Variants in EHBP1 observed in about 807,000 individuals in gnomAD.
EHBP1 encodes the protein EH domain-binding protein 1.
Under a neutral mutation model 144.0 loss-of-function variants are expected in EHBP1, and 55 were observed. The ratio of observed to expected loss-of-function variants is 0.38; its 90% CI spans 0.31 to 0.48. EHBP1 has a LOEUF of 0.48. Among genes scored for constraint, EHBP1 ranks in the 20% least tolerant of loss-of-function variants. The pLI, the probability that EHBP1 is intolerant of heterozygous loss-of-function variation, is 0.98. For missense variants in EHBP1, 1,200 were observed against 1,364.2 expected, an observed-to-expected ratio of 0.88 and a Z score of 1.90; for synonymous variants, 469 against 472.7, an observed-to-expected ratio of 0.99 and a Z score of 0.10.
At chr2:62,913,217 G>T (rs770020981) in intron 10 of EHBP1, among the ~76,000 whole-genome samples, 7 of 152,116 alleles carry the variant, frequency 4.6e-5, no homozygotes, top group Admixed American at 1.3e-4. Flanking sequence ...TATGTTTTGA[G>T]ATCACTTTTT....
chr2:62,727,713 G>A (rs139718495), intron 2 of EHBP1, among the ~76,000 whole-genome samples: 1 of 152,226 alleles, frequency 6.6e-6, no homozygotes, highest in African/African-American at 2.4e-5. Context: ...GAACATTTGG[G>A]CTGTTTCCAC....
chr2:63,027,672 G>T (rs1423503795), intron 19 of EHBP1, among the ~76,000 whole-genome samples: 2 of 152,170 alleles, frequency 1.3e-5, no homozygotes, highest in African/African-American at 4.8e-5. Flanking sequence ...TTAGGAAGGT[G>T]CATATGAGGA....
intron 10 of EHBP1, among the ~76,000 whole-genome samples, chr2:62,901,209 A>G (rs998411629): frequency 6.6e-6 from 1 of 152,200 alleles, no homozygotes; most frequent in Non-Finnish European, 1.5e-5. Context: ...TTACGAGCCT[A>G]TTAAAAATAA....
chr2:62,754,294 C>CTGCAGAACAGCAAATGT (rs746100524), intron 3 of EHBP1, among the ~76,000 whole-genome samples: 105 of 152,290 alleles, frequency 6.9e-4, no homozygotes, highest in Non-Finnish European at 1.4e-3. Flanking sequence ...CCAGTGAAGG[C>CTGCAGAACAGCAAATGT]TGCAGAACAG....
chr2:62,797,542 G>C (rs992002431), intron 5 of EHBP1, among the ~76,000 whole-genome samples: 1 of 152,108 alleles, frequency 6.6e-6, no homozygotes, highest in Non-Finnish European at 1.5e-5. Context: ...ATAAAAATAC[G>C]CCAATCAAGT....
rs1001633205 is a variant in EHBP1 at position 62,770,208 on chromosome 2, A to G, written c.259-1131A>G. Reference sequence around the variant, plus strand: ...CAAGAGCTTCTGCACAGCAAAAGGAACTATCAACAGAGTAAACAGACAGCC... The same window carrying G: ...CAAGAGCTTCTGCACAGCAAAAGGAGCTATCAACAGAGTAAACAGACAGCC... On this transcript the variant is annotated intron_variant, in intron 4 of 22. Coordinates refer to ENST00000431489, the MANE Select transcript of EHBP1 (RefSeq NM_001142616.3). 4.7e-4 allele frequency among the ~76,000 whole-genome samples: 71 copies of G among 152,218 alleles called. 1 individual carries two copies. Among genetic ancestry groups the G allele is most frequent in the African/African-American group, 1.5e-3 (63 of 41,446 alleles).
chr2:62,807,883 T>G (rs997562555), intron 5 of EHBP1, among the ~76,000 whole-genome samples: 4 of 152,106 alleles, frequency 2.6e-5, no homozygotes, highest in African/African-American at 9.7e-5. Flanking sequence ...AATTACTATA[T>G]TTGTTTCTCT....
At position 62,768,633 on chromosome 2, in the gene EHBP1, T is replaced by C. The variant is rs183575384; in HGVS notation, c.259-2706T>C. 4.1e-3 allele frequency among the ~76,000 whole-genome samples: 625 copies of C among 152,244 alleles called. 4 individuals carry two copies. The highest frequency in any genetic ancestry group is 0.034 in the Middle Eastern group (10 of 294). ...TTCCTACCAAAACTATTCTAAAAAATTGAGGAGGAGAAACTCCTTCCCAAC... is the reference window on the plus strand; with the variant it reads ...TTCCTACCAAAACTATTCTAAAAAACTGAGGAGGAGAAACTCCTTCCCAAC... On this transcript the variant is annotated intron_variant, in intron 4 of 22. Coordinates refer to ENST00000431489, the MANE Select transcript of EHBP1 (RefSeq NM_001142616.3).
At chr2:62,928,062 C>T (rs1022701329) in intron 10 of EHBP1, among the ~76,000 whole-genome samples, 10 of 152,128 alleles carry the variant, frequency 6.6e-5, no homozygotes, top group Admixed American at 4.6e-4. Flanking sequence ...ACACAGCATA[C>T]CAAAACTTCT....
At chr2:62,806,355 G>GT (rs1232768311) in intron 5 of EHBP1, among the ~76,000 whole-genome samples, 2 of 151,748 alleles carry the variant, frequency 1.3e-5, no homozygotes, top group Non-Finnish European at 2.9e-5. Context: ...ACTTTTTGTG[G>GT]TTTTTCGTTT....
intron 5 of EHBP1, among the ~76,000 whole-genome samples, chr2:62,796,978 A>G (rs962424882): frequency 6.6e-6 from 1 of 152,168 alleles, no homozygotes; most frequent in Non-Finnish European, 1.5e-5. Context: ...CAGTGGTTTT[A>G]TCTTCCCTAG....
intron 14 of EHBP1, among the ~76,000 whole-genome samples, chr2:62,973,115 T>C (rs892918720): frequency 1.1e-4 from 17 of 152,196 alleles, no homozygotes; most frequent in Admixed American, 5.9e-4. Context: ...CAGAAAAATT[T>C]GCAGATGGGA....
intron 7 of EHBP1, among the ~76,000 whole-genome samples, chr2:62,840,665 A>C (rs1427490485): frequency 2.0e-5 from 3 of 151,814 alleles, no homozygotes; most frequent in African/African-American, 4.8e-5. Context: ...CAACCCCATC[A>C]AAAAGTGGGC....
At chr2:62,772,044 G>A (rs938073887) in intron 5 of EHBP1, 1 of 152,394 alleles carries the variant, frequency 6.6e-6, no homozygotes, top group Non-Finnish European at 1.5e-5. Flanking sequence ...GGAGGCAGAG[G>A]TTGCAGTGAG....
At chr2:62,784,445 G>C (rs2042669108) in intron 5 of EHBP1, among the ~76,000 whole-genome samples, 1 of 152,152 alleles carries the variant, frequency 6.6e-6, no homozygotes, top group Non-Finnish European at 1.5e-5. Flanking sequence ...CCTGCATGTA[G>C]TTCTCAATCT....
At chr2:62,986,952 G>A (rs142639226) in intron 15 of EHBP1, among the ~76,000 whole-genome samples, 50 of 152,028 alleles carry the variant, frequency 3.3e-4, no homozygotes, top group African/African-American at 1.0e-3. Context: ...AAAAATCTTC[G>A]GAATACCTCA....
upstream of EHBP1, among the ~76,000 whole-genome samples, chr2:62,702,631 C>T (rs1306870060): frequency 6.6e-6 from 1 of 152,184 alleles, no homozygotes; most frequent in African/African-American, 2.4e-5. Flanking sequence ...CTGTTCCAGT[C>T]TTGGTACCAA....
intron 19 of EHBP1, among the ~76,000 whole-genome samples, chr2:63,024,479 G>A (rs2060889115): frequency 6.6e-6 from 1 of 151,916 alleles, no homozygotes; most frequent in African/African-American, 2.4e-5. Context: ...GCATGTGTTT[G>A]TGGTCCCAGC....
chr2:62,764,249 C>T lies in EHBP1; in HGVS notation c.163-17C>T. The stretch of plus-strand genomic sequence containing the variant: ...TTCCCATACTTCATATTGAAGGTAT[C>T]ATTTTTATTCTGGTAGGCACATAGC... On this transcript the variant is annotated splice_polypyrimidine_tract_variant and intron_variant, in intron 3 of 22. Transcript: ENST00000431489. 6.5e-7 allele frequency: 1 copy of T among 1,526,810 alleles called. No individual in the cohort carries two copies. Among genetic ancestry groups the T allele is most frequent in the Non-Finnish European group, 8.8e-7 (1 of 1,138,576 alleles). The allele number at this position is 1,526,810 out of a possible 1,614,324, so 94.6% of individuals were successfully genotyped here. A position where few individuals can be genotyped will look rare whatever the true frequency, so the allele number is the denominator to read the frequency against.
Sources: gnomAD v4.1 joint callset for allele counts (sites outside exome capture counted in the v4.1 genomes callset) on GRCh38, gnomAD v4.1.1 for gene constraint, MANE v1.5 for transcripts, NCBI Gene and HGNC (gene_info 2026-07-23, HGNC 2026-07-21) for gene names.